Variants in TMEM160 observed in about 807,000 individuals in gnomAD.
TMEM160 encodes the protein transmembrane protein 160.
In TMEM160, 10 loss-of-function variants were observed where a neutral mutation model predicts 13.9. The observed-to-expected ratio is 0.72, with a 90% CI of 0.45 to 1.22. TMEM160 has a LOEUF of 1.22. TMEM160 is among the 50% of genes most tolerant of loss of function. TMEM160 has a pLI of 0.00. For missense variants in TMEM160, 287 were observed against 283.2 expected, an observed-to-expected ratio of 1.01 and a Z score of -0.10; for synonymous variants, 159 against 134.8, an observed-to-expected ratio of 1.18 and a Z score of -1.25.
chr19:47,046,157 C>T lies in TMEM160; in HGVS notation c.397G>A (p.Gly133Arg), dbSNP rs988912125. Reference sequence around the variant, plus strand: ...GCGCCCGCGCCCACGGCCGCGCCCCCCAGCGTCAGCTGCATGGGTCCTCGC... The same window carrying T: ...GCGCCCGCGCCCACGGCCGCGCCCCTCAGCGTCAGCTGCATGGGTCCTCGC... ...ALRGPMQLTL[G>R]GAAVGAGAVL... Residue 133 changes from glycine to arginine, a missense_variant, in exon 3 of 3, where the codon GGG (glycine) becomes AGG (arginine). Gly to Arg is a moderately radical substitution (Grantham distance 125). Coordinates refer to ENST00000253047, the MANE Select transcript of TMEM160 (RefSeq NM_017854.2). The T allele has an allele frequency of 6.8e-7, 1 of 1,475,094 alleles. No homozygotes were observed. Among genetic ancestry groups the T allele is most frequent in the Admixed American group, 2.6e-5 (1 of 38,520 alleles). The allele number at this position is 1,475,094 out of a possible 1,614,324, so 91.4% of individuals were successfully genotyped here.
At chr19:47,048,325 C>A in intron 1 of TMEM160, 82 bp downstream of exon 1, 1 of 1,244,566 alleles carries the variant, frequency 8.0e-7, no homozygotes, top group South Asian at 1.5e-5. Flanking sequence ...CCGTTTCCTG[C>A]AGAAGCCCCC....
At chr19:47,046,547 C>G in intron 2 of TMEM160, 46 bp downstream of exon 2, 1 of 1,512,732 alleles carries the variant, frequency 6.6e-7, no homozygotes, top group Non-Finnish European at 9.2e-7. Flanking sequence ...GATAGGGGCT[C>G]TGCATTCCCT....
Position 47,046,684 on chromosome 19 carries a change from G to A in TMEM160, c.210C>T (p.Ala70=). Residue 70 remains alanine (A), a splice_region_variant and synonymous_variant, in exon 2 of 3, where the codon GCC becomes GCT. Coordinates refer to ENST00000253047, the MANE Select transcript of TMEM160 (RefSeq NM_017854.2). ...GGCCATTGCGGAACCAGGAGAGGAA[G>A]GCTGGAGGGAGGGGGACATGGGGGG... The part of the protein sequence containing the change: ...AWLLRKAHET[A]FLSWFRNGLL... 6.2e-7 allele frequency: 1 copy of A among 1,611,974 alleles called. No homozygotes were observed. The highest frequency in any genetic ancestry group is 2.2e-5 in the East Asian group (1 of 44,848).
rs2057081723 is a variant in TMEM160, at chr19:47,046,635, TGACCCCG to T, written c.252_258del (p.Gly85SerfsTer44). 2 of 1,612,040 alleles carry T rather than the reference TGACCCCG, an allele frequency of 1.2e-6. No individual in the cohort carries two copies. Among genetic ancestry groups the T allele is most frequent in the Non-Finnish European group, 1.7e-6 (2 of 1,179,670 alleles). The stretch of plus-strand genomic sequence containing the variant: ...CCCATGTCACTCTGCATGAAGGAGA[TGACCCCG>T]ATGCCCGATGCCAGGAGGCCATTGC... On this transcript the variant is annotated frameshift_variant, in exon 2 of 3. Coordinates refer to ENST00000253047, the MANE Select transcript of TMEM160 (RefSeq NM_017854.2). LOFTEE classifies it high-confidence loss of function.
At chr19:47,048,113 T>TG (rs111335774) in intron 1 of TMEM160, among the ~76,000 whole-genome samples, 7,907 of 152,160 alleles carry the variant, frequency 0.052, 675 homozygotes, top group African/African-American at 0.18. Flanking sequence ...AAGCTCTCCC[T>TG]GAAGCCCCTC....
At chr19:47,047,885 C>G (rs1329344475) in intron 1 of TMEM160, 6 of 984,772 alleles carry the variant, frequency 6.1e-6, no homozygotes, top group Non-Finnish European at 7.2e-6. Context: ...CATGGCCAGT[C>G]CGCTCCATTC....
Position 47,048,406 on chromosome 19 carries a change from C to T in TMEM160, c.208+1G>A, listed in dbSNP as rs1477603607. 6.7e-7 allele frequency: 1 copy of T among 1,489,324 alleles called. No homozygotes were observed. Among genetic ancestry groups the T allele is most frequent in the Non-Finnish European group, 8.9e-7 (1 of 1,129,056 alleles). The allele number at this position is 1,489,324 out of a possible 1,614,324, so 92.3% of individuals were successfully genotyped here. Reference sequence around the variant, plus strand: ...CACCGCCCCCACCCCTAGCCACCGACCTGTCTCGTGCGCTTTTCGGAGGAG... The same window carrying T: ...CACCGCCCCCACCCCTAGCCACCGATCTGTCTCGTGCGCTTTTCGGAGGAG... On this transcript the variant is annotated splice_donor_variant, in intron 1 of 2. Coordinates refer to ENST00000253047, the MANE Select transcript of TMEM160 (RefSeq NM_017854.2). LOFTEE classifies it high-confidence loss of function.
chr19:47,047,143 G>C (rs1196676306), intron 1 of TMEM160, among the ~76,000 whole-genome samples: 1 of 152,196 alleles, frequency 6.6e-6, no homozygotes, highest in African/African-American at 2.4e-5. Context: ...CCAGGAGGTA[G>C]AGGTTGCAGC....
intron 1 of TMEM160, 114 bp from the exon 2 acceptor site, chr19:47,046,799 C>T (rs2057083014): frequency 1.3e-6 from 1 of 778,158 alleles, no homozygotes; most frequent in Admixed American, 2.0e-5. Context: ...CCCATCCAGC[C>T]GCAAGGCAAG....
At chr19:47,048,349 C>A in intron 1 of TMEM160, 58 bp downstream of exon 1, 1 of 1,372,080 alleles carries the variant, frequency 7.3e-7, no homozygotes, top group Non-Finnish European at 9.6e-7. Context: ...CCATCAAGGT[C>A]CCACGCGAGC....
chr19:47,047,637 G>T, intron 1 of TMEM160: 1 of 950,692 alleles, frequency 1.1e-6, no homozygotes, highest in Non-Finnish European at 1.3e-6. Flanking sequence ...GATTCTCTGA[G>T]CCCAAGAGTT....
Position 47,048,478 on chromosome 19 carries a change from C to T in TMEM160, c.137G>A (p.Gly46Glu). 1 of 1,410,638 alleles carries T rather than the reference C, an allele frequency of 7.1e-7. No individual in the cohort carries two copies. The allele number at this position is 1,410,638 out of a possible 1,614,324, so 87.4% of individuals were successfully genotyped here. ...CTCGGACACTGGGGGCGGCGAAGCC[C>T]CGGCGCGGGGACCGTGGCCGGGGGC... is the stretch of plus-strand genomic sequence containing the variant. ...SFAPGHGPRAGASPPPVSELD... is the reference protein window; with the variant it reads ...SFAPGHGPRAEASPPPVSELD... Residue 46 changes from glycine to glutamate, a missense_variant, in exon 1 of 3, where the codon GGG becomes GAG. Gly to Glu is a moderately conservative substitution (Grantham distance 98). Transcript: ENST00000253047.
chr19:47,048,379 C>T, intron 1 of TMEM160, 28 bp downstream of exon 1: 1 of 1,475,996 alleles, frequency 6.8e-7, no homozygotes. Flanking sequence ...CCGTCCCATC[C>T]GCACCGCCCC....
At chr19:47,048,086 C>T (rs1438583344) in intron 1 of TMEM160, among the ~76,000 whole-genome samples, 1 of 151,830 alleles carries the variant, frequency 6.6e-6, no homozygotes, top group African/African-American at 2.4e-5. Context: ...CATCTTGTAC[C>T]CAACTCCACA....
At position 47,048,417 on chromosome 19, in the gene TMEM160, C is replaced by T. The variant is rs778932403; in HGVS notation, c.198G>A (p.Ala66=). ...CCCCTAGCCACCGACCTGTCTCGTG[C>T]GCTTTTCGGAGGAGCCAGGCGTCCG... ...DRADAWLLRK[A]HETAFLSWFR... Residue 66 remains alanine, a synonymous_variant, in exon 1 of 3, where the codon GCG becomes GCA. Transcript: ENST00000253047. The T allele has an allele frequency of 5.4e-6, 8 of 1,478,724 alleles. No homozygotes were observed. Among genetic ancestry groups the T allele is most frequent in the South Asian group, 1.3e-5 (1 of 78,586 alleles). The allele number at this position is 1,478,724 out of a possible 1,614,324, so 91.6% of individuals were successfully genotyped here. A position where few individuals can be genotyped will look rare whatever the true frequency, so the allele number is the denominator to read the frequency against.
intron 1 of TMEM160, 37 bp downstream of exon 1, chr19:47,048,370 C>T: frequency 1.4e-6 from 2 of 1,456,128 alleles, no homozygotes; most frequent in Non-Finnish European, 1.8e-6. Context: ...CCGGGACCCC[C>T]GTCCCATCCG....
rs1311315930 is a variant in TMEM160, at chr19:47,048,304, GAGCCCGGGCCCCGTTTCCTGCAGA to G, written c.208+79_208+102del. ...TCACACTGAAGCCCTTCTCGGAGCCGAGCCCGGGCCCCGTTTCCTGCAGAAGCCCCCGCCCCATCAAGGTCCCAC... is the reference window on the plus strand; with the variant it reads ...TCACACTGAAGCCCTTCTCGGAGCCGAGCCCCCGCCCCATCAAGGTCCCAC... On this transcript the variant is annotated intron_variant, in intron 1 of 2. Transcript: ENST00000253047. 16 of 1,067,960 alleles carry G rather than the reference GAGCCCGGGCCCCGTTTCCTGCAGA, an allele frequency of 1.5e-5. No individual in the cohort carries two copies. In the South Asian group the frequency reaches 2.1e-4, roughly 14 times the overall value. The allele number at this position is 1,067,960 out of a possible 1,614,324, so 66.2% of individuals were successfully genotyped here. A position where few individuals can be genotyped will look rare whatever the true frequency, so the allele number is the denominator to read the frequency against.
rs375339156 is a variant in TMEM160 at position 47,046,703 on chromosome 19, T to A, written c.209-18A>T. 3.1e-5 allele frequency: 49 copies of A among 1,584,438 alleles called. No homozygotes were observed. The South Asian group carries it at 5.3e-4, about 17-fold the overall frequency. ...GAGGAAGGCTGGAGGGAGGGGGACA[T>A]GGGGGGATTAACATCACCCCCAACC... is the stretch of plus-strand genomic sequence containing the variant. On this transcript the variant is annotated intron_variant, in intron 1 of 2. Coordinates refer to ENST00000253047, the MANE Select transcript of TMEM160 (RefSeq NM_017854.2).
chr19:47,046,162 G>A lies in TMEM160; in HGVS notation c.392C>T (p.Thr131Met). ...CGCGCCCACGGCCGCGCCCCCCAGC[G>A]TCAGCTGCATGGGTCCTCGCAGCGC... ...LAALRGPMQL[T>M]LGGAAVGAGA... The change falls in exon 3 of 3, where the codon ACG becomes ATG. Residue 131 changes from threonine to methionine, a missense_variant. Thr to Met is a moderately conservative substitution (Grantham distance 81, BLOSUM62 -1). Coordinates refer to ENST00000253047, the MANE Select transcript of TMEM160 (RefSeq NM_017854.2). 6.8e-7 allele frequency: 1 copy of A among 1,478,030 alleles called. No homozygotes were observed. Among genetic ancestry groups the A allele is most frequent in the Admixed American group, 2.6e-5 (1 of 39,086 alleles). The allele number at this position is 1,478,030 out of a possible 1,614,324, so 91.6% of individuals were successfully genotyped here.
Sources: gnomAD v4.1 joint callset for allele counts (sites outside exome capture counted in the v4.1 genomes callset) on GRCh38, gnomAD v4.1.1 for gene constraint, MANE v1.5 for transcripts, NCBI Gene and HGNC (gene_info 2026-07-23, HGNC 2026-07-21) for gene names.